Variants in SV2C observed in about 807,000 individuals in gnomAD.
The protein encoded by SV2C is synaptic vesicle glycoprotein 2C, also known as solute carrier family 22 member B3.
In SV2C, 49 loss-of-function variants were observed where a neutral mutation model predicts 79.7. That is an observed-to-expected ratio of 0.61 (90% CI 0.49 to 0.78). The LOEUF is 0.78. Ranked by LOEUF, SV2C falls within the 30% of genes least tolerant of loss-of-function variation. The pLI is 0.00. For missense variants in SV2C, 833 were observed against 912.9 expected, an observed-to-expected ratio of 0.91 and a Z score of 1.13; for synonymous variants, 334 against 333.2, an observed-to-expected ratio of 1.00 and a Z score of -0.03.
the SV2C span, among the ~76,000 whole-genome samples, chr5:75,934,294 C>CTTTT: frequency 1.7e-5 from 2 of 116,274 alleles, no homozygotes; most frequent in Non-Finnish European, 1.7e-5. Context: ...TTCTTTTTTT[C>CTTTT]TTTCTTTCTT....
chr5:76,147,055 G>GCTC (rs1749458661), intron 2 of SV2C, among the ~76,000 whole-genome samples: 1 of 152,122 alleles, frequency 6.6e-6, no homozygotes, highest in African/African-American at 2.4e-5. Flanking sequence ...CTCCATCCAA[G>GCTC]GGAGAGGGGA....
chr5:76,037,032 C>T, the SV2C span, among the ~76,000 whole-genome samples: 18 of 152,272 alleles, frequency 1.2e-4, no homozygotes, highest in East Asian at 1.7e-3. Context: ...TCCAGTTGAT[C>T]GCATCAGCTC....
chr5:76,050,636 C>T, the SV2C span, among the ~76,000 whole-genome samples: 1 of 152,172 alleles, frequency 6.6e-6, no homozygotes, highest in African/African-American at 2.4e-5. Flanking sequence ...CACCTTAGTA[C>T]TCTCTACCCA....
chr5:76,012,839 C>T, the SV2C span, among the ~76,000 whole-genome samples: 1 of 152,132 alleles, frequency 6.6e-6, no homozygotes, highest in Non-Finnish European at 1.5e-5. Context: ...CCAGTTTTCC[C>T]AACACCATTT....
At chr5:76,317,723 G>A (rs1217961555) in intron 12 of SV2C, among the ~76,000 whole-genome samples, 2 of 152,252 alleles carry the variant, frequency 1.3e-5, no homozygotes, top group East Asian at 3.9e-4. Flanking sequence ...CTAGCTACTC[G>A]AGAGGCTGAG....
intron 7 of SV2C, 23 bp downstream of exon 7, chr5:76,291,354 A>G: frequency 6.5e-7 from 1 of 1,546,270 alleles, no homozygotes; most frequent in Non-Finnish European, 8.8e-7. Flanking sequence ...TCCCATGATG[A>G]CCTGCATGTT....
intron 12 of SV2C, among the ~76,000 whole-genome samples, chr5:76,313,124 T>G (rs1343299552): frequency 1.3e-5 from 2 of 152,240 alleles, no homozygotes; most frequent in African/African-American, 4.8e-5. Flanking sequence ...CTCAGGGCCT[T>G]TCTAGCTCTA....
intron 2 of SV2C, among the ~76,000 whole-genome samples, chr5:76,153,375 G>C (rs1392505579): frequency 6.6e-6 from 1 of 152,176 alleles, no homozygotes; most frequent in South Asian, 2.1e-4. Flanking sequence ...CTCTCCTAAT[G>C]TTCCTCCTGT....
the SV2C span, among the ~76,000 whole-genome samples, chr5:75,974,686 G>A: frequency 1.3e-5 from 2 of 152,116 alleles, no homozygotes; most frequent in Non-Finnish European, 2.9e-5. Flanking sequence ...ATTCACATAC[G>A]TGGATAATAA....
the SV2C span, among the ~76,000 whole-genome samples, chr5:76,046,468 G>T: frequency 6.6e-6 from 1 of 152,158 alleles, no homozygotes; most frequent in African/African-American, 2.4e-5. Flanking sequence ...GAATACATTT[G>T]TATATGTCTA....
chr5:75,909,957 G>A, the SV2C span, among the ~76,000 whole-genome samples: 639 of 152,236 alleles, frequency 4.2e-3, 2 homozygotes, highest in Non-Finnish European at 7.0e-3. Context: ...AGTTTGTCCT[G>A]CCCAGTAAAC....
chr5:75,894,423 C>G, the SV2C span, among the ~76,000 whole-genome samples: 1 of 152,016 alleles, frequency 6.6e-6, no homozygotes, highest in Non-Finnish European at 1.5e-5. Flanking sequence ...TTCTCTCTAG[C>G]TCTGTGGTAG....
At chr5:76,305,212 C>G (rs921113333) in intron 12 of SV2C, among the ~76,000 whole-genome samples, 2 of 152,224 alleles carry the variant, frequency 1.3e-5, no homozygotes, top group Non-Finnish European at 2.9e-5. Flanking sequence ...CAGGCCCCAT[C>G]TCTGACACTG....
the SV2C span, chr5:75,911,936 T>C: frequency 2.3e-6 from 1 of 442,396 alleles, no homozygotes; most frequent in East Asian, 5.9e-5. Context: ...CCAGAGGGTA[T>C]AGGTCAGAGA....
intron 2 of SV2C, among the ~76,000 whole-genome samples, chr5:76,133,887 A>T (rs1446888779): frequency 1.3e-5 from 2 of 152,222 alleles, no homozygotes; most frequent in African/African-American, 2.4e-5. Flanking sequence ...CAGAATGTGT[A>T]AAGAAGATAG....
rs77205408 is a variant in SV2C, at chr5:76,227,839, C to T, written c.913+17952C>T. Among the ~76,000 whole-genome samples, 26 of 152,300 alleles carry T rather than the reference C, an allele frequency of 1.7e-4. No homozygotes were observed. In the East Asian group the frequency reaches 3.7e-3, roughly 22 times the overall value. On this transcript the variant is annotated intron_variant, in intron 4 of 12. Coordinates refer to ENST00000502798, the MANE Select transcript of SV2C (RefSeq NM_014979.4). ...CTGCCATTTCCAGAATGGGTTACCA[C>T]GCTGGTGGTGGCCCTAGCTGATGGG...
chr5:75,968,522 G>A, the SV2C span, among the ~76,000 whole-genome samples: 1 of 152,210 alleles, frequency 6.6e-6, no homozygotes, highest in Admixed American at 6.5e-5. Flanking sequence ...AGAACTACAT[G>A]ACGAATGCAC....
chr5:76,239,264 G>C (rs1745708410), intron 4 of SV2C, among the ~76,000 whole-genome samples: 2 of 152,082 alleles, frequency 1.3e-5, no homozygotes, highest in South Asian at 4.1e-4. Flanking sequence ...AGTGATGTTT[G>C]AAATGACAGA....
intron 4 of SV2C, among the ~76,000 whole-genome samples, chr5:76,245,936 A>ATGTGTATGTGTGTG (rs375007331): frequency 0.037 from 4,790 of 129,092 alleles, 272 homozygotes; most frequent in African/African-American, 0.12. Flanking sequence ...GTGTGTGTGT[A>ATGTGTATGTGTGTG]TGTGTGTGTG....
Sources: allele counts gnomAD v4.1 joint callset (sites outside exome capture counted in the v4.1 genomes callset), GRCh38; gene constraint gnomAD v4.1.1; transcripts MANE v1.5; gene names NCBI Gene and HGNC (gene_info 2026-07-23, HGNC 2026-07-21).